Variants in SORCS1 observed in about 807,000 individuals in gnomAD.
SORCS1 encodes VPS10 domain-containing receptor SorCS1.
A neutral mutation model predicts 146.1 loss-of-function variants in SORCS1; 60 were observed. That is an observed-to-expected ratio of 0.41 (90% CI 0.33 to 0.51). SORCS1 has a LOEUF of 0.51. Ranked by LOEUF, SORCS1 falls within the 20% of genes least tolerant of loss-of-function variation. The pLI is 0.21. For synonymous variants in SORCS1, 637 were observed against 584.0 expected (o/e 1.09, Z -1.31); for missense variants, 1,352 against 1,487.6 (o/e 0.91, Z 1.50).
At chr10:107,143,690 G>C (rs1358468379) in intron 1 of SORCS1, among the ~76,000 whole-genome samples, 1 of 152,062 alleles carries the variant, frequency 6.6e-6, no homozygotes, top group Non-Finnish European at 1.5e-5. Flanking sequence ...ATTTTTAGTA[G>C]AGATGGGGTT....
intron 3 of SORCS1, among the ~76,000 whole-genome samples, chr10:106,819,829 A>G (rs1947925091): frequency 6.6e-6 from 1 of 152,204 alleles, no homozygotes. Context: ...TTCCTGGTAA[A>G]TTAGCTCTCC....
At chr10:106,904,007 T>G (rs540434423) in intron 2 of SORCS1, among the ~76,000 whole-genome samples, 1 of 152,292 alleles carries the variant, frequency 6.6e-6, no homozygotes, top group South Asian at 2.1e-4. Flanking sequence ...AACTCTTATC[T>G]CTTGAAAAAC....
chr10:106,946,406 G>A (rs1954346716), intron 2 of SORCS1, among the ~76,000 whole-genome samples: 1 of 152,186 alleles, frequency 6.6e-6, no homozygotes, highest in Non-Finnish European at 1.5e-5. Flanking sequence ...GGATTTGGTG[G>A]GAGGTAATTG....
intron 2 of SORCS1, among the ~76,000 whole-genome samples, chr10:106,947,430 G>A (rs1412830591): frequency 6.6e-6 from 1 of 152,202 alleles, no homozygotes; most frequent in Non-Finnish European, 1.5e-5. Flanking sequence ...AGGTAATGGA[G>A]AAGCAGTGTA....
At chr10:106,964,223 C>T (rs896503877) in intron 1 of SORCS1, among the ~76,000 whole-genome samples, 5 of 152,244 alleles carry the variant, frequency 3.3e-5, no homozygotes, top group African/African-American at 9.6e-5. Flanking sequence ...TTGTGGAGGA[C>T]CTTAAATATT....
chr10:107,069,444 C>A (rs1229661514), intron 1 of SORCS1, among the ~76,000 whole-genome samples: 1 of 151,818 alleles, frequency 6.6e-6, no homozygotes. Context: ...AGTGCCATGT[C>A]GGCTCACTGC....
chr10:107,065,510 C>CTCCTCTCTTTCTTTCTT (rs71025577), intron 1 of SORCS1, among the ~76,000 whole-genome samples: 2 of 86,424 alleles, frequency 2.3e-5, no homozygotes, highest in African/African-American at 1.0e-4. Context: ...CTCCTCTCCT[C>CTCCTCTCTTTCTTTCTT]TCTTTCTTTC....
At chr10:106,578,114 AT>A (rs1180626900) in intron 25 of SORCS1, 2 of 152,460 alleles carry the variant, frequency 1.3e-5, no homozygotes, top group Non-Finnish European at 2.9e-5. Flanking sequence ...TTATATAATA[AT>A]TTATTCACTG....
chr10:106,843,429 C>CTTTTT lies in SORCS1; in HGVS notation c.627-13761_627-13757dup, dbSNP rs141378677. On this transcript the variant is annotated intron_variant, in intron 2 of 25. Coordinates refer to ENST00000263054, the MANE Select transcript of SORCS1 (RefSeq NM_052918.5). ...ATGTTGCGGTAAAAGGCAGGATTTCCTTTTTTTTTTTTTTTTTTGTGATGG... is the reference window on the plus strand; with the variant it reads ...ATGTTGCGGTAAAAGGCAGGATTTCCTTTTTTTTTTTTTTTTTTTTTTTGTGATGG... Among the ~76,000 whole-genome samples the CTTTTT allele has an allele frequency of 3.3e-4, 39 of 116,794 alleles. 1 individual carries two copies. Among genetic ancestry groups the CTTTTT allele is most frequent in the East Asian group, 4.9e-4 (2 of 4,062 alleles). 76.6% of individuals were successfully genotyped at this position (116,794 alleles called of 152,430 possible).
At chr10:106,898,249 A>G (rs1267845895) in intron 2 of SORCS1, among the ~76,000 whole-genome samples, 1 of 152,176 alleles carries the variant, frequency 6.6e-6, no homozygotes, top group Admixed American at 6.5e-5. Flanking sequence ...CTTTAAACCC[A>G]TGCTGATCAG....
Position 107,164,560 on chromosome 10 carries a change from C to A in SORCS1, c.-34G>T. 1 of 1,323,886 alleles carries A rather than the reference C, an allele frequency of 7.6e-7. No homozygotes were observed. Among genetic ancestry groups the A allele is most frequent in the South Asian group, 2.1e-5 (1 of 46,956 alleles). 82.0% of individuals were successfully genotyped at this position (1,323,886 alleles called of 1,614,324 possible). A position where few individuals can be genotyped will look rare whatever the true frequency, so the allele number is the denominator to read the frequency against. On this transcript the variant is annotated 5_prime_UTR_variant, in exon 1 of 26. Coordinates refer to ENST00000263054, the MANE Select transcript of SORCS1 (RefSeq NM_052918.5). The surrounding 1 kb of genome is among the most constrained non-coding windows in gnomAD (Gnocchi z 6.8). ...CGAAGAGCAGCGGAGAGAGGGGTCC[C>A]AGAACGAAGGTGGCGGCACGAGCTC... is the stretch of plus-strand genomic sequence containing the variant.
At chr10:106,604,134 C>T (rs1017844040) in intron 23 of SORCS1, among the ~76,000 whole-genome samples, 6 of 152,178 alleles carry the variant, frequency 3.9e-5, no homozygotes, top group Admixed American at 3.9e-4. Flanking sequence ...CTCAGGCCAA[C>T]TTCCCATATG....
intron 2 of SORCS1, among the ~76,000 whole-genome samples, chr10:106,860,596 C>T (rs1038532750): frequency 6.6e-6 from 1 of 152,150 alleles, no homozygotes; most frequent in African/African-American, 2.4e-5. Flanking sequence ...TTGCCCAATG[C>T]CACATAGGAG....
chr10:107,064,744 G>A (rs993709906), intron 1 of SORCS1, among the ~76,000 whole-genome samples: 1 of 152,162 alleles, frequency 6.6e-6, no homozygotes, highest in Non-Finnish European at 1.5e-5. Flanking sequence ...ATCTCTGTAA[G>A]CTCTACAAGA....
intron 9 of SORCS1, among the ~76,000 whole-genome samples, chr10:106,694,798 G>A (rs1424666293): frequency 6.6e-6 from 1 of 152,216 alleles, no homozygotes; most frequent in East Asian, 1.9e-4. Flanking sequence ...ACTCATGTAT[G>A]CACACATTCT....
chr10:107,021,233 C>T (rs1044487328), intron 1 of SORCS1, among the ~76,000 whole-genome samples: 1 of 151,940 alleles, frequency 6.6e-6, no homozygotes, highest in South Asian at 2.1e-4. Flanking sequence ...GCATATTTGG[C>T]CAGGCGTGGT....
rs61621787 is a variant in SORCS1 at position 107,051,711 on chromosome 10, A to G, written c.559-95131T>C. Among the ~76,000 whole-genome samples, 1,006 of 152,270 alleles carry G rather than the reference A, an allele frequency of 6.6e-3. 17 individuals are homozygous for G. Among genetic ancestry groups the G allele is most frequent in the African/African-American group, 0.023 (955 of 41,552 alleles). Reference sequence around the variant, plus strand: ...ATTGAACTAATTTGTACTGGCTTGCATGTCTGTGCCAAGCATTTTCAGATA... The same window carrying G: ...ATTGAACTAATTTGTACTGGCTTGCGTGTCTGTGCCAAGCATTTTCAGATA... On this transcript the variant is annotated intron_variant, in intron 1 of 25. Transcript: ENST00000263054.
chr10:106,730,902 T>G (rs1256828837), intron 5 of SORCS1, among the ~76,000 whole-genome samples: 1 of 152,144 alleles, frequency 6.6e-6, no homozygotes, highest in Admixed American at 6.6e-5. Context: ...GAACTTTAAT[T>G]TATTCCATTT....
intron 3 of SORCS1, among the ~76,000 whole-genome samples, chr10:106,779,156 T>C (rs1026929214): frequency 2.0e-5 from 3 of 152,094 alleles, no homozygotes; most frequent in Admixed American, 1.3e-4. Flanking sequence ...AATCCCACCT[T>C]CTCTATGCAG....
Sources: gnomAD v4.1 joint callset for allele counts (sites outside exome capture counted in the v4.1 genomes callset) on GRCh38, gnomAD v4.1.1 for gene constraint, Gnocchi (gnomAD v3.1) non-coding constraint, MANE v1.5 for transcripts, NCBI Gene and HGNC (gene_info 2026-07-23, HGNC 2026-07-21) for gene names.